SLC9A9: variants seen among roughly 807,000 people sequenced by gnomAD.
SLC9A9 encodes sodium/hydrogen exchanger 9.
In SLC9A9, 62 loss-of-function variants were observed where a neutral mutation model predicts 77.8. The observed-to-expected ratio is 0.80, with a 90% CI of 0.65 to 0.98. SLC9A9 has a LOEUF of 0.98. Among genes scored for constraint, SLC9A9 ranks in the 50% least tolerant of loss-of-function variants. The probability of loss-of-function intolerance (pLI) is 0.00; values close to 1 mark genes in which losing one functional copy is unlikely to be tolerated. For synonymous variants in SLC9A9, 320 were observed against 283.5 expected, an observed-to-expected ratio of 1.13 and a Z score of -1.29; for missense variants, 775 against 774.9, an observed-to-expected ratio of 1.00 and a Z score of 0.00.
rs1286910328 is a variant in SLC9A9, at chr3:143,575,523, TA to T, written c.895-1331del. Among the ~76,000 whole-genome samples the T allele has an allele frequency of 3.9e-5, 6 of 152,304 alleles. No homozygotes were observed. The South Asian group carries it at 1.2e-3, about 32-fold the overall frequency. ...TAAATTAATTTTTGGTTTTTTTTGGTAAAACATCTTTTTGGGAAATAGAATC... is the reference window on the plus strand; with the variant it reads ...TAAATTAATTTTTGGTTTTTTTTGGTAAACATCTTTTTGGGAAATAGAATC... On this transcript the variant is annotated intron_variant, in intron 7 of 15. Transcript: ENST00000316549.
chr3:143,561,080 T>C (rs1203695448), intron 8 of SLC9A9, among the ~76,000 whole-genome samples: 1 of 151,928 alleles, frequency 6.6e-6, no homozygotes, highest in Non-Finnish European at 1.5e-5. Flanking sequence ...ACTTGGGAGG[T>C]TGAGGCAGGA....
At chr3:143,297,578 G>A (rs551414236) in intron 14 of SLC9A9, among the ~76,000 whole-genome samples, 42 of 152,056 alleles carry the variant, frequency 2.8e-4, no homozygotes, top group African/African-American at 7.2e-4. Flanking sequence ...AAAAAATGCC[G>A]TTGGAATTTT....
intron 1 of SLC9A9, among the ~76,000 whole-genome samples, chr3:143,846,764 T>C (rs1308317885): frequency 6.6e-6 from 1 of 152,150 alleles, no homozygotes; most frequent in Non-Finnish European, 1.5e-5. Context: ...GTTATGTTTT[T>C]TTTCTTTTTT....
chr3:143,422,390 C>T (rs1027378338), intron 12 of SLC9A9, among the ~76,000 whole-genome samples: 1 of 152,166 alleles, frequency 6.6e-6, no homozygotes, highest in Non-Finnish European at 1.5e-5. Context: ...AAATGTGGTA[C>T]ATATACACTA....
At chr3:143,397,404 G>A (rs6767272) in intron 12 of SLC9A9, among the ~76,000 whole-genome samples, 8,470 of 152,228 alleles carry the variant, frequency 0.056, 331 homozygotes, top group African/African-American at 0.11. Flanking sequence ...TGGGAAAAAA[G>A]AGGGACATTT....
intron 2 of SLC9A9, among the ~76,000 whole-genome samples, chr3:143,803,290 G>A (rs936270345): frequency 1.8e-4 from 28 of 152,066 alleles, no homozygotes; most frequent in African/African-American, 5.8e-4. Context: ...CAACCCTTAT[G>A]AGCCTAATAC....
intron 9 of SLC9A9, chr3:143,517,139 T>A (rs2036214654): frequency 2.6e-6 from 4 of 1,558,110 alleles, no homozygotes; most frequent in Admixed American, 1.7e-5. Flanking sequence ...ACCTCCAAAT[T>A]TGGCTGACAA....
intron 2 of SLC9A9, 104 bp downstream of exon 2, chr3:143,831,915 A>T (rs2009444832): frequency 9.9e-7 from 1 of 1,013,716 alleles, no homozygotes; most frequent in Admixed American, 2.1e-5. Context: ...TAAAATAGGC[A>T]TATATGTGTG....
chr3:143,353,621 A>C (rs1214381784), intron 14 of SLC9A9, among the ~76,000 whole-genome samples: 1 of 152,154 alleles, frequency 6.6e-6, no homozygotes, highest in African/African-American at 2.4e-5. Context: ...AACTAAAAAA[A>C]CACTTTTTTG....
At chr3:143,770,815 AG>A (rs950577956) in intron 4 of SLC9A9, among the ~76,000 whole-genome samples, 1 of 152,222 alleles carries the variant, frequency 6.6e-6, no homozygotes, top group Non-Finnish European at 1.5e-5. Flanking sequence ...CATAGACGTA[AG>A]ATGAGCTCCT....
chr3:143,291,265 G>C (rs2029940476), intron 14 of SLC9A9, among the ~76,000 whole-genome samples: 1 of 152,174 alleles, frequency 6.6e-6, no homozygotes, highest in South Asian at 2.1e-4. Context: ...ACTCCCAGCT[G>C]ATTTGGCTGT....
At chr3:143,465,072 C>T (rs2035261215) in intron 12 of SLC9A9, among the ~76,000 whole-genome samples, 1 of 152,224 alleles carries the variant, frequency 6.6e-6, no homozygotes, top group African/African-American at 2.4e-5. Context: ...CTTTACTCAT[C>T]TCCCTCCTGG....
chr3:143,741,586 T>C (rs1935073663), intron 4 of SLC9A9, among the ~76,000 whole-genome samples: 1 of 152,118 alleles, frequency 6.6e-6, no homozygotes, highest in Non-Finnish European at 1.5e-5. Context: ...ATGACTTCCT[T>C]ACAAAGAGTA....
At chr3:143,832,265 T>C in intron 1 of SLC9A9, 44 bp from the exon 2 acceptor site, 3 of 1,526,608 alleles carry the variant, frequency 2.0e-6, no homozygotes, top group Non-Finnish European at 2.7e-6. Flanking sequence ...GAAGGCAATC[T>C]AAAATGCCAC....
chr3:143,394,324 G>T (rs1299749716), intron 12 of SLC9A9, among the ~76,000 whole-genome samples: 2 of 152,046 alleles, frequency 1.3e-5, no homozygotes, highest in Admixed American at 1.3e-4. Flanking sequence ...ATGTAATCCA[G>T]CATATAAACA....
chr3:143,535,622 A>G lies in SLC9A9; in HGVS notation c.1089+16740T>C, dbSNP rs1559957326. ...TACAGTACTTTCGACTTAAGATACA[A>G]AGGTGCTTTTCACTGGGGAAGGGAT... On this transcript the variant is annotated intron_variant, in intron 9 of 15. Coordinates refer to ENST00000316549, the MANE Select transcript of SLC9A9 (RefSeq NM_173653.4). Among the ~76,000 whole-genome samples the G allele has an allele frequency of 1.3e-5, 2 of 152,286 alleles. 1 individual carries two copies. Among genetic ancestry groups the G allele is most frequent in the African/African-American group, 4.8e-5 (2 of 41,566 alleles).
At chr3:143,286,473 A>G (rs1244466117) in intron 14 of SLC9A9, among the ~76,000 whole-genome samples, 1 of 152,188 alleles carries the variant, frequency 6.6e-6, no homozygotes, top group Non-Finnish European at 1.5e-5. Context: ...CTTGGAATAA[A>G]TCTGACATTC....
At chr3:143,506,526 T>G (rs1332311392) in intron 9 of SLC9A9, among the ~76,000 whole-genome samples, 1 of 152,208 alleles carries the variant, frequency 6.6e-6, no homozygotes, top group Admixed American at 6.5e-5. Context: ...AGGGGATTTT[T>G]ATCAGAATAG....
intron 12 of SLC9A9, among the ~76,000 whole-genome samples, chr3:143,453,044 T>C (rs1274531772): frequency 2.0e-5 from 3 of 152,054 alleles, no homozygotes; most frequent in Non-Finnish European, 4.4e-5. Context: ...GAATGCGAAG[T>C]GAGCAATTTA....
Sources: allele counts gnomAD v4.1 joint callset (sites outside exome capture counted in the v4.1 genomes callset), GRCh38; gene constraint gnomAD v4.1.1; transcripts MANE v1.5; gene names NCBI Gene and HGNC (gene_info 2026-07-23, HGNC 2026-07-21).